The following CCDC170 variants were observed in gnomAD, a reference collection of about 807,000 sequenced individuals.
CCDC170 encodes the protein coiled-coil domain-containing protein 170.
In CCDC170, 69 loss-of-function variants were observed where a neutral mutation model predicts 72.6. That is an observed-to-expected ratio of 0.95 (90% CI 0.78 to 1.16). CCDC170 has a LOEUF of 1.16. CCDC170 is among the 50% of genes most tolerant of loss of function. The pLI is 0.00. For missense variants in CCDC170, 852 were observed against 832.5 expected (o/e 1.02, Z -0.29); for synonymous variants, 300 against 303.9 (o/e 0.99, Z 0.13).
chr6:151,521,319 A>T (rs145264485), intron 1 of CCDC170, among the ~76,000 whole-genome samples: 1 of 152,336 alleles, frequency 6.6e-6, no homozygotes, highest in East Asian at 1.9e-4. Context: ...TATCCTTCTG[A>T]TAAGTAATGA....
chr6:151,599,513 G>A (rs530584167), intron 9 of CCDC170, among the ~76,000 whole-genome samples: 1 of 152,256 alleles, frequency 6.6e-6, no homozygotes, highest in East Asian at 1.9e-4. Context: ...CTGGGAGTTG[G>A]GGAGGGGAAG....
At chr6:151,577,939 G>A (rs2115095348) in intron 6 of CCDC170, among the ~76,000 whole-genome samples, 1 of 152,268 alleles carries the variant, frequency 6.6e-6, no homozygotes, top group South Asian at 2.1e-4. Context: ...ACCAGTCTCT[G>A]GTGACAAAAA....
At chr6:151,530,614 G>T (rs903053271) in intron 1 of CCDC170, among the ~76,000 whole-genome samples, 4 of 151,856 alleles carry the variant, frequency 2.6e-5, no homozygotes, top group African/African-American at 9.7e-5. Flanking sequence ...GCTAATTTTT[G>T]TATGTTTAGT....
At chr6:151,564,589 G>C (rs1346979516) in intron 5 of CCDC170, among the ~76,000 whole-genome samples, 1 of 152,204 alleles carries the variant, frequency 6.6e-6, no homozygotes, top group Non-Finnish European at 1.5e-5. Context: ...GTCTGTGCTG[G>C]TGTTGACAGT....
At chr6:151,597,105 C>G (rs961749366) in intron 9 of CCDC170, among the ~76,000 whole-genome samples, 1 of 151,768 alleles carries the variant, frequency 6.6e-6, no homozygotes, top group Non-Finnish European at 1.5e-5. Context: ...GGATTACAGG[C>G]GTGAGCCACT....
At chr6:151,567,070 A>G (rs111797604) in intron 5 of CCDC170, among the ~76,000 whole-genome samples, 15,520 of 152,030 alleles carry the variant, frequency 0.1, 946 homozygotes, top group Middle Eastern at 0.14. Flanking sequence ...ACAGGCATGC[A>G]CCACCACACC....
chr6:151,592,877 G>T (rs1311160518), intron 7 of CCDC170, among the ~76,000 whole-genome samples: 1 of 152,202 alleles, frequency 6.6e-6, no homozygotes, highest in Non-Finnish European at 1.5e-5. Context: ...GATTGAACAT[G>T]AACATCAAGG....
intron 1 of CCDC170, among the ~76,000 whole-genome samples, chr6:151,499,443 A>C (rs61387859): frequency 4.5e-5 from 6 of 132,382 alleles, no homozygotes; most frequent in Non-Finnish European, 6.4e-5. Context: ...GTATTTGACT[A>C]TTCTAGGCAC....
At position 151,575,462 on chromosome 6, in the gene CCDC170, C is replaced by T. The variant is rs548773174; in HGVS notation, c.1092+1971C>T. Among the ~76,000 whole-genome samples, 42 of 148,870 alleles carry T rather than the reference C, an allele frequency of 2.8e-4. 1 individual carries two copies. Among genetic ancestry groups the T allele is most frequent in the East Asian group, 2.0e-4 (1 of 5,098 alleles). ...AAAAAAAAAAATTCTCTGAAATTCA[C>T]GCATACTCTAGGAGCAACCTTAGTG... On this transcript the variant is annotated intron_variant, in intron 6 of 10. Coordinates refer to ENST00000239374, the MANE Select transcript of CCDC170 (RefSeq NM_025059.4).
At position 151,618,007 on chromosome 6, in the gene CCDC170, C is replaced by T. The variant is rs757288600; in HGVS notation, c.2008C>T (p.Leu670Phe). The part of the protein sequence containing the change: ...MLGLNVTSLA[L>F]PDYEIIKCLE... ...AGGCTTGAACGTGACCAGCCTTGCT[C>T]TTCCTGATTATGAAATCATCAAGTG... Residue 670 changes from leucine (L) to phenylalanine (F), a missense_variant, in exon 11 of 11, where the codon CTT becomes TTT. Physicochemically the swap from Leu to Phe is conservative, Grantham distance 22 (BLOSUM62 0). Transcript: ENST00000239374. 6.2e-7 allele frequency: 1 copy of T among 1,614,126 alleles called. No individual in the cohort carries two copies. The highest frequency in any genetic ancestry group is 8.5e-7 in the Non-Finnish European group (1 of 1,180,004).
intron 1 of CCDC170, among the ~76,000 whole-genome samples, chr6:151,513,919 C>CAAA (rs58387477): frequency 1.1e-3 from 54 of 51,142 alleles, no homozygotes; most frequent in East Asian, 2.1e-3. Flanking sequence ...GACCCTGTCT[C>CAAA]AAAAAAAAAA....
chr6:151,602,557 G>A (rs1474732909), intron 9 of CCDC170, among the ~76,000 whole-genome samples: 1 of 152,088 alleles, frequency 6.6e-6, no homozygotes, highest in Non-Finnish European at 1.5e-5. Context: ...GAGGTGATTG[G>A]ATCATAGGAG....
At chr6:151,504,185 G>C (rs1782034485) in intron 1 of CCDC170, among the ~76,000 whole-genome samples, 2 of 152,162 alleles carry the variant, frequency 1.3e-5, no homozygotes, top group Non-Finnish European at 2.9e-5. Flanking sequence ...TATACGCATA[G>C]AGAAAGGAAT....
At chr6:151,508,101 C>T (rs1165113930) in intron 1 of CCDC170, among the ~76,000 whole-genome samples, 4 of 152,166 alleles carry the variant, frequency 2.6e-5, no homozygotes, top group African/African-American at 9.7e-5. Flanking sequence ...CCTAGTTCCA[C>T]AGTTTTGTGG....
In CCDC170 at chr6:151,577,606, C is replaced by A. The variant is rs562755171; in HGVS notation, c.1092+4115C>A. ...TCCTTCCTTGAGGTGTTTGCTGGTCCAGGGGCTCTGTGGGAGCTGTGGGGA... is the reference window on the plus strand; with the variant it reads ...TCCTTCCTTGAGGTGTTTGCTGGTCAAGGGGCTCTGTGGGAGCTGTGGGGA... On this transcript the variant is annotated intron_variant, in intron 6 of 10. Transcript: ENST00000239374. Among the ~76,000 whole-genome samples the A allele has an allele frequency of 4.5e-4, 62 of 138,410 alleles. 2 individuals carry two copies. The highest frequency in any genetic ancestry group is 1.7e-3 in the African/African-American group (61 of 35,950). The allele number at this position is 138,410 out of a possible 152,430, so 90.8% of individuals were successfully genotyped here. A position where few individuals can be genotyped will look rare whatever the true frequency, so the allele number is the denominator to read the frequency against.
At chr6:151,528,324 T>C (rs1247081675) in intron 1 of CCDC170, among the ~76,000 whole-genome samples, 2 of 152,138 alleles carry the variant, frequency 1.3e-5, no homozygotes, top group Non-Finnish European at 2.9e-5. Flanking sequence ...TTCAGAAAAT[T>C]TTATGAACTC....
chr6:151,558,235 T>TTG (rs1253329138), intron 5 of CCDC170, among the ~76,000 whole-genome samples: 9 of 68,450 alleles, frequency 1.3e-4, no homozygotes, highest in African/African-American at 2.8e-4. Flanking sequence ...GATTAGTGTT[T>TTG]TTTTTTTTTT....
intron 1 of CCDC170, among the ~76,000 whole-genome samples, chr6:151,515,309 G>T (rs1782218489): frequency 6.6e-6 from 1 of 152,218 alleles, no homozygotes. Context: ...TTGAGACGGA[G>T]TCTCACTCTG....
At chr6:151,614,581 A>T (rs1382506104) in intron 9 of CCDC170, among the ~76,000 whole-genome samples, 1 of 150,704 alleles carries the variant, frequency 6.6e-6, no homozygotes, top group African/African-American at 2.4e-5. Context: ...CAGCCTCCCG[A>T]GTAGCTGGGA....
Sources: allele counts gnomAD v4.1 joint callset (sites outside exome capture counted in the v4.1 genomes callset), GRCh38; gene constraint gnomAD v4.1.1; transcripts MANE v1.5; gene names NCBI Gene and HGNC (gene_info 2026-07-23, HGNC 2026-07-21).